Variants in MBD5 observed in about 807,000 individuals in gnomAD.
MBD5 encodes the protein methyl-CpG binding domain protein 5.
MBD5 carries 13 observed loss-of-function variants against 117.3 expected under a neutral mutation model. That is an observed-to-expected ratio of 0.11 (90% CI 0.07 to 0.18). MBD5 has a LOEUF of 0.18. MBD5 is among the 10% of genes least tolerant of loss of function. The pLI, the probability that MBD5 is intolerant of heterozygous loss-of-function variation, is 1.00. For synonymous variants in MBD5, 727 were observed against 766.4 expected (o/e 0.95, Z 0.85); for missense variants, 1,879 against 2,093.8 (o/e 0.90, Z 2.00).
chr2:148,342,657 T>G (rs1202554513), intron 4 of MBD5, among the ~76,000 whole-genome samples: 1 of 151,998 alleles, frequency 6.6e-6, no homozygotes, highest in East Asian at 1.9e-4. Context: ...ATATGTGGAT[T>G]TATATAGTTA....
At chr2:148,127,653 T>C (rs1696935980) in intron 1 of MBD5, among the ~76,000 whole-genome samples, 1 of 152,198 alleles carries the variant, frequency 6.6e-6, no homozygotes, top group Admixed American at 6.5e-5. Flanking sequence ...TTGGGTTGAT[T>C]CCATGTCTTT....
At chr2:148,383,784 T>A (rs1559048395) in intron 4 of MBD5, among the ~76,000 whole-genome samples, 1 of 152,198 alleles carries the variant, frequency 6.6e-6, no homozygotes, top group African/African-American at 2.4e-5. Context: ...GCTTCATCCC[T>A]GGGATGCAAG....
chr2:148,354,427 C>G (rs1406672133), intron 4 of MBD5, among the ~76,000 whole-genome samples: 2 of 152,288 alleles, frequency 1.3e-5, no homozygotes, highest in South Asian at 2.1e-4. Context: ...CATCCATGTC[C>G]CTGCAAAGGA....
At chr2:148,086,280 C>T (rs1695790208) in intron 1 of MBD5, among the ~76,000 whole-genome samples, 1 of 151,862 alleles carries the variant, frequency 6.6e-6, no homozygotes, top group Admixed American at 6.6e-5. Flanking sequence ...GTAGTATAGT[C>T]ATGTGACTCT....
intron 3 of MBD5, among the ~76,000 whole-genome samples, chr2:148,257,427 C>T (rs947058021): frequency 1.3e-5 from 2 of 152,192 alleles, no homozygotes; most frequent in African/African-American, 4.8e-5. Flanking sequence ...GCAGCTGCTT[C>T]GTTGTGGTGG....
chr2:148,147,174 C>T (rs998501504), intron 1 of MBD5, among the ~76,000 whole-genome samples: 5 of 151,876 alleles, frequency 3.3e-5, no homozygotes, highest in Non-Finnish European at 7.4e-5. Context: ...ATAAGCCACA[C>T]TTTCCTTTTT....
At chr2:148,255,122 T>C (rs1700554723) in intron 3 of MBD5, among the ~76,000 whole-genome samples, 1 of 152,252 alleles carries the variant, frequency 6.6e-6, no homozygotes, top group Non-Finnish European at 1.5e-5. Context: ...AGTTGGAGCA[T>C]GTTAACCTAC....
chr2:148,087,721 A>C, intron 1 of MBD5, among the ~76,000 whole-genome samples: 1 of 152,094 alleles, frequency 6.6e-6, no homozygotes, highest in Non-Finnish European at 1.5e-5. Flanking sequence ...CAACAGCAGC[A>C]CTCTAGTTCC....
At chr2:148,250,980 T>A (rs1465462145) in intron 3 of MBD5, among the ~76,000 whole-genome samples, 2 of 152,220 alleles carry the variant, frequency 1.3e-5, no homozygotes, top group Non-Finnish European at 2.9e-5. Flanking sequence ...AAATTATTTT[T>A]AAAATAGTGG....
At chr2:148,485,397 C>A in intron 9 of MBD5, 1 of 243,266 alleles carries the variant, frequency 4.1e-6, no homozygotes, top group Non-Finnish European at 8.0e-6. Context: ...GGACTAATTT[C>A]AACCTTTAAT....
rs113540794 is a variant in MBD5, at chr2:148,422,663, A to G, written c.-556-35540A>G. ...AGCTAAAGGAGTGTGTTCTAACCCAATTCAAGGAAGCTAAGAACATTGAAA... is the reference window on the plus strand; with the variant it reads ...AGCTAAAGGAGTGTGTTCTAACCCAGTTCAAGGAAGCTAAGAACATTGAAA... On this transcript the variant is annotated intron_variant, in intron 4 of 13. Coordinates refer to ENST00000642680, the MANE Select transcript of MBD5 (RefSeq NM_001378120.1). Among the ~76,000 whole-genome samples the G allele has an allele frequency of 2.6e-3, 403 of 152,318 alleles. 3 individuals carry two copies. Among genetic ancestry groups the G allele is most frequent in the Non-Finnish European group, 4.8e-3 (328 of 68,032 alleles).
At position 148,483,540 on chromosome 2, in the gene MBD5, T is replaced by C; in HGVS notation, c.2949T>C (p.Pro983=). 5 of 1,595,912 alleles carry C rather than the reference T, an allele frequency of 3.1e-6. No individual in the cohort carries two copies. The highest frequency in any genetic ancestry group is 4.3e-6 in the Non-Finnish European group (5 of 1,170,750). ...ACATGGATGGGCAGGTATTGCAGCC[T>C]GTTCACTTTCAGCTCTTAGCAGCCT... ...SSDMDGQVLQ[P]VHFQLLAALL... is the part of the protein sequence containing the mutation. Residue 983 remains proline, a synonymous_variant, in exon 9 of 14, where the codon CCT becomes CCC. Coordinates refer to ENST00000642680, the MANE Select transcript of MBD5 (RefSeq NM_001378120.1).
chr2:148,093,552 A>G (rs1695993452), intron 1 of MBD5, among the ~76,000 whole-genome samples: 1 of 152,222 alleles, frequency 6.6e-6, no homozygotes, highest in Non-Finnish European at 1.5e-5. Flanking sequence ...TCATTATTAT[A>G]CTGGGTATAG....
chr2:148,447,133 G>A (rs1433183578), intron 4 of MBD5, among the ~76,000 whole-genome samples: 1 of 87,786 alleles, frequency 1.1e-5, no homozygotes, highest in African/African-American at 3.4e-5. Context: ...GAAAAAGAAA[G>A]AGAGAGAGAG....
chr2:148,262,337 A>C (rs1700750860), intron 3 of MBD5, among the ~76,000 whole-genome samples: 1 of 152,080 alleles, frequency 6.6e-6, no homozygotes, highest in African/African-American at 2.4e-5. Context: ...AATCTCTTTT[A>C]TCATCTAAAG....
At chr2:148,146,398 A>AT (rs1258351890) in intron 1 of MBD5, among the ~76,000 whole-genome samples, 1 of 151,836 alleles carries the variant, frequency 6.6e-6, no homozygotes, top group African/African-American at 2.4e-5. Context: ...CACCTGGCTA[A>AT]TTTTTTTATT....
intron 1 of MBD5, among the ~76,000 whole-genome samples, chr2:148,060,363 T>C (rs946019185): frequency 6.6e-6 from 1 of 151,972 alleles, no homozygotes; most frequent in African/African-American, 2.4e-5. Context: ...ATATATCTTT[T>C]AATTGTATGT....
At chr2:148,388,394 A>G (rs1003322225) in intron 4 of MBD5, among the ~76,000 whole-genome samples, 7 of 152,164 alleles carry the variant, frequency 4.6e-5, no homozygotes. Flanking sequence ...AAAAGAATAC[A>G]ATGTTTTCCT....
At chr2:148,240,421 G>A (rs371179340) in intron 3 of MBD5, among the ~76,000 whole-genome samples, 1 of 148,602 alleles carries the variant, frequency 6.7e-6, no homozygotes, top group African/African-American at 2.5e-5. Flanking sequence ...TATAATTAAA[G>A]AAAAAAAAAA....
Sources: allele counts gnomAD v4.1 joint callset (sites outside exome capture counted in the v4.1 genomes callset), GRCh38; gene constraint gnomAD v4.1.1; transcripts MANE v1.5; gene names NCBI Gene and HGNC (gene_info 2026-07-23, HGNC 2026-07-21).